CCNE2: variants seen among roughly 807,000 people sequenced by gnomAD.
The protein encoded by CCNE2 is G1/S-specific cyclin-E2.
In CCNE2, 18 loss-of-function variants were observed where a neutral mutation model predicts 56.8. The ratio of observed to expected loss-of-function variants is 0.32; its 90% CI spans 0.22 to 0.47. CCNE2 has a LOEUF of 0.47. Ranked by LOEUF, CCNE2 falls within the 20% of genes least tolerant of loss-of-function variation. The pLI is 1.00. For synonymous variants in CCNE2, 139 were observed against 149.2 expected (o/e 0.93, Z 0.50); for missense variants, 371 against 467.1 (o/e 0.79, Z 1.90).
At chr8:94,888,181 C>A in intron 6 of CCNE2, 108 bp from the exon 7 acceptor site, 1 of 682,056 alleles carries the variant, frequency 1.5e-6, no homozygotes, top group Non-Finnish European at 2.4e-6. Flanking sequence ...AAACTGATAG[C>A]AAAGCTAAGA....
chr8:94,895,294 C>T (rs1817455383), upstream of CCNE2: 5 of 977,032 alleles, frequency 5.1e-6, no homozygotes, highest in Non-Finnish European at 6.1e-6. Context: ...AGCGCGCTCC[C>T]CTCTCCCGCC....
Position 94,881,485 on chromosome 8 carries a change from A to C in CCNE2, c.*147T>G. 1 of 698,136 alleles carries C rather than the reference A, an allele frequency of 1.4e-6. No homozygotes were observed. The highest frequency in any genetic ancestry group is 2.4e-6 in the Non-Finnish European group (1 of 419,486). 43.2% of individuals were successfully genotyped at this position (698,136 alleles called of 1,614,324 possible). A position where few individuals can be genotyped will look rare whatever the true frequency, so the allele number is the denominator to read the frequency against. The stretch of plus-strand genomic sequence containing the variant: ...AAATGTATTCTTTAGTGCCAATTGT[A>C]AGTTTTAAAATCAGAATGGCAGTGT... On this transcript the variant is annotated 3_prime_UTR_variant, in exon 12 of 12. Transcript: ENST00000308108.
intron 6 of CCNE2, among the ~76,000 whole-genome samples, chr8:94,888,544 T>G (rs1378690489): frequency 6.6e-6 from 1 of 151,962 alleles, no homozygotes; most frequent in Non-Finnish European, 1.5e-5. Context: ...TACCAGAGTT[T>G]TTTTTTTTTT....
chr8:94,896,270 C>CCCG (rs1249280461), upstream of CCNE2, among the ~76,000 whole-genome samples: 12 of 148,542 alleles, frequency 8.1e-5, no homozygotes, highest in Non-Finnish European at 1.8e-4. Flanking sequence ...CGCGCCCCGC[C>CCCG]CCGCCGCCGC....
chr8:94,888,701 T>G (rs773418848), intron 6 of CCNE2, among the ~76,000 whole-genome samples: 1 of 152,158 alleles, frequency 6.6e-6, no homozygotes, highest in Non-Finnish European at 1.5e-5. Context: ...ATTTTTTGTA[T>G]TTTTAGTAGA....
At chr8:94,891,707 C>A in intron 5 of CCNE2, 21 of 621,358 alleles carry the variant, frequency 3.4e-5, no homozygotes, top group East Asian at 1.0e-4. Context: ...TAAAATGTCA[C>A]TTTACAGAAA....
intron 4 of CCNE2, chr8:94,893,682 A>G (rs1817328896): frequency 1.7e-6 from 1 of 580,120 alleles, no homozygotes; most frequent in African/African-American, 1.9e-5. Flanking sequence ...AAAAGGAACC[A>G]GCTGCTTGAA....
upstream of CCNE2, chr8:94,895,694 G>C (rs776161805): frequency 3.3e-5 from 5 of 152,198 alleles, no homozygotes; most frequent in African/African-American, 4.8e-5. Context: ...GCGACGCGGG[G>C]ACCCGAGGGC....
intron 5 of CCNE2, chr8:94,891,684 C>T: frequency 3.8e-6 from 2 of 523,272 alleles, no homozygotes; most frequent in South Asian, 2.0e-5. Context: ...AAAAAAACAC[C>T]ATGAAGTATT....
intron 5 of CCNE2, among the ~76,000 whole-genome samples, chr8:94,890,825 C>G (rs1817213903): frequency 6.6e-6 from 1 of 151,936 alleles, no homozygotes; most frequent in African/African-American, 2.4e-5. Context: ...AACTCCTGGC[C>G]TCAAGTGATC....
chr8:94,891,679 A>AC, intron 5 of CCNE2: 1 of 547,346 alleles, frequency 1.8e-6, no homozygotes, highest in Non-Finnish European at 3.2e-6. Context: ...AAAAAAAAAA[A>AC]ACACCATGAA....
At chr8:94,895,006 G>A (rs1184232573) in intron 1 of CCNE2, among the ~76,000 whole-genome samples, 171 bp downstream of exon 1, 3 of 152,262 alleles carry the variant, frequency 2.0e-5, no homozygotes, top group African/African-American at 7.2e-5. Context: ...CCGCTTCCCG[G>A]TCCCCTGCCA....
intron 6 of CCNE2, 140 bp downstream of exon 6, chr8:94,890,275 T>C: frequency 1.6e-6 from 1 of 614,352 alleles, no homozygotes; most frequent in Non-Finnish European, 2.6e-6. Flanking sequence ...TTGGGTGCAA[T>C]CAACTACAGT....
chr8:94,892,236 T>G, intron 5 of CCNE2: 1 of 364,232 alleles, frequency 2.7e-6, no homozygotes, highest in South Asian at 2.2e-5. Context: ...AAATAGATCA[T>G]CTACAGCAGG....
chr8:94,883,797 C>T (rs528780503), intron 9 of CCNE2: 151 of 406,196 alleles, frequency 3.7e-4, no homozygotes, highest in African/African-American at 2.7e-3. Context: ...GAACTAGTAG[C>T]AGTGGAATGG....
intron 1 of CCNE2, 106 bp from the exon 2 acceptor site, chr8:94,894,353 G>C (rs1183898180): frequency 9.2e-6 from 10 of 1,091,152 alleles, no homozygotes; most frequent in African/African-American, 3.1e-5. Context: ...CCTCCGAAGG[G>C]GGCCTGGGCC....
intron 7 of CCNE2, among the ~76,000 whole-genome samples, chr8:94,885,905 G>C (rs1042647549): frequency 6.6e-6 from 1 of 151,874 alleles, no homozygotes; most frequent in Admixed American, 6.6e-5. Context: ...TTTCAGGAGA[G>C]AGAGGGTTTC....
rs1233317527 is a variant in CCNE2, at chr8:94,880,949, C to A, written c.*683G>T. On this transcript the variant is annotated 3_prime_UTR_variant, in exon 12 of 12. Transcript: ENST00000308108. The stretch of plus-strand genomic sequence containing the variant: ...ACAGCATTTATCTTGTTTATAATTT[C>A]TTTGGTACTCCCACTGTTTAGAGCA... 2.5e-6 allele frequency: 1 copy of A among 398,634 alleles called. No homozygotes were observed. The highest frequency in any genetic ancestry group is 4.4e-6 in the Non-Finnish European group (1 of 225,904). 24.7% of individuals were successfully genotyped at this position (398,634 alleles called of 1,614,324 possible). A position where few individuals can be genotyped will look rare whatever the true frequency, so the allele number is the denominator to read the frequency against.
At chr8:94,884,900 TAAGC>T in intron 9 of CCNE2, 163 bp downstream of exon 9, 1 of 536,520 alleles carries the variant, frequency 1.9e-6, no homozygotes. Context: ...CTAGAAATAT[TAAGC>T]AACATAAACA....
Sources: allele counts gnomAD v4.1 joint callset (sites outside exome capture counted in the v4.1 genomes callset), GRCh38; gene constraint gnomAD v4.1.1; transcripts MANE v1.5; gene names NCBI Gene and HGNC (gene_info 2026-07-23, HGNC 2026-07-21).